GPR176: variants seen among roughly 807,000 people sequenced by gnomAD.
The protein encoded by GPR176 is G-protein coupled receptor 176.
A neutral mutation model predicts 35.4 loss-of-function variants in GPR176; 26 were observed. The observed-to-expected ratio is 0.74, with a 90% CI of 0.54 to 1.02. The LOEUF (loss-of-function observed/expected upper bound fraction) is 1.02. Among genes scored for constraint, GPR176 ranks in the 50% least tolerant of loss-of-function variants. The pLI is 0.00. For missense variants in GPR176, 597 were observed against 665.3 expected, an observed-to-expected ratio of 0.90 and a Z score of 1.13; for synonymous variants, 278 against 271.3, an observed-to-expected ratio of 1.02 and a Z score of -0.24.
intron 1 of GPR176, among the ~76,000 whole-genome samples, chr15:39,894,303 C>T (rs867792495): frequency 3.4e-4 from 34 of 101,258 alleles, no homozygotes; most frequent in African/African-American, 8.9e-4. Flanking sequence ...GCTGGCCGGG[C>T]GGGGGGCTGA....
chr15:39,807,922 C>G (rs537751574), intron 1 of GPR176, among the ~76,000 whole-genome samples: 1 of 152,304 alleles, frequency 6.6e-6, no homozygotes, highest in East Asian at 1.9e-4. Context: ...CACTGGACAG[C>G]ACTGTTCTAG....
At chr15:39,911,399 A>G (rs1178842287) in intron 1 of GPR176, among the ~76,000 whole-genome samples, 1 of 152,256 alleles carries the variant, frequency 6.6e-6, no homozygotes, top group East Asian at 1.9e-4. Context: ...TATCTCATTT[A>G]TGGTGAAGCA....
At chr15:39,897,685 C>T (rs560154845) in intron 1 of GPR176, among the ~76,000 whole-genome samples, 3 of 146,700 alleles carry the variant, frequency 2.0e-5, no homozygotes, top group South Asian at 2.1e-4. Flanking sequence ...GCAATCTCGG[C>T]TCACTGCAAG....
intron 1 of GPR176, among the ~76,000 whole-genome samples, chr15:39,820,299 G>A (rs1249452263): frequency 2.3e-5 from 2 of 85,372 alleles, no homozygotes; most frequent in Non-Finnish European, 4.8e-5. Flanking sequence ...AGGAAGTGAT[G>A]GATCATCGAA....
chr15:39,831,136 T>C (rs997112496), intron 1 of GPR176, among the ~76,000 whole-genome samples: 2 of 152,242 alleles, frequency 1.3e-5, no homozygotes, highest in Non-Finnish European at 2.9e-5. Context: ...TTTTAGGTAC[T>C]TGAGCAAACA....
intron 1 of GPR176, among the ~76,000 whole-genome samples, chr15:39,865,788 T>G (rs57961139): frequency 6.6e-6 from 1 of 152,082 alleles, no homozygotes. Context: ...ACATATGCAT[T>G]GGCAACATCT....
intron 1 of GPR176, among the ~76,000 whole-genome samples, chr15:39,832,557 G>T (rs1040591281): frequency 6.6e-6 from 1 of 151,220 alleles, no homozygotes; most frequent in East Asian, 1.9e-4. Flanking sequence ...CTAGAGCAAG[G>T]GTGTCCAATA....
chr15:39,919,817 G>GGGAGGCCCGGTCC, intron 1 of GPR176, 38 bp downstream of exon 1: 4 of 1,363,946 alleles, frequency 2.9e-6, no homozygotes, highest in Non-Finnish European at 3.8e-6. Context: ...TGTACCCTCG[G>GGGAGGCCCGGTCC]GGAGGCCCGG....
intron 1 of GPR176, among the ~76,000 whole-genome samples, chr15:39,810,590 C>A (rs1416511866): frequency 1.3e-5 from 2 of 152,172 alleles, no homozygotes; most frequent in Non-Finnish European, 2.9e-5. Flanking sequence ...GACACATTAC[C>A]TCTTTGAAAA....
intron 1 of GPR176, chr15:39,829,209 C>G: frequency 1.3e-6 from 2 of 1,518,344 alleles, no homozygotes; most frequent in Admixed American, 4.2e-5. Context: ...CAACGCAACC[C>G]CCAACACTGA....
At chr15:39,808,739 T>A (rs1483623353) in intron 1 of GPR176, among the ~76,000 whole-genome samples, 1 of 152,224 alleles carries the variant, frequency 6.6e-6, no homozygotes, top group Non-Finnish European at 1.5e-5. Context: ...AAGAAATGAA[T>A]TTGTAAAATA....
intron 1 of GPR176, among the ~76,000 whole-genome samples, chr15:39,845,561 C>T (rs987832316): frequency 4.0e-5 from 6 of 151,782 alleles, no homozygotes; most frequent in Non-Finnish European, 7.4e-5. Context: ...CACTCAGACG[C>T]TTGATTTAAT....
chr15:39,900,518 C>T (rs2033246340), intron 1 of GPR176, among the ~76,000 whole-genome samples: 1 of 152,182 alleles, frequency 6.6e-6, no homozygotes, highest in South Asian at 2.1e-4. Flanking sequence ...AATGGAAGTA[C>T]AGTTACTTTT....
At chr15:39,808,028 C>T (rs1388905342) in intron 1 of GPR176, among the ~76,000 whole-genome samples, 1 of 152,188 alleles carries the variant, frequency 6.6e-6, no homozygotes, top group Non-Finnish European at 1.5e-5. Flanking sequence ...CTTCCACCCT[C>T]CCGCTTCCGC....
chr15:39,896,323 C>A (rs1249026128), intron 1 of GPR176, among the ~76,000 whole-genome samples: 1 of 152,236 alleles, frequency 6.6e-6, no homozygotes, highest in Non-Finnish European at 1.5e-5. Context: ...CTCAAGCCAT[C>A]ATCCTGCCTC....
intron 1 of GPR176, among the ~76,000 whole-genome samples, chr15:39,899,176 T>C (rs1279763347): frequency 6.6e-6 from 1 of 152,104 alleles, no homozygotes; most frequent in Non-Finnish European, 1.5e-5. Context: ...TTACCTCCAT[T>C]GTGTAGTAGT....
chr15:39,884,247 G>A (rs1408479971), intron 1 of GPR176, among the ~76,000 whole-genome samples: 1 of 152,206 alleles, frequency 6.6e-6, no homozygotes, highest in Non-Finnish European at 1.5e-5. Context: ...TTGCTGTTAG[G>A]CACTGCCTTA....
At chr15:39,834,522 AG>A (rs1394432249) in intron 1 of GPR176, among the ~76,000 whole-genome samples, 2 of 152,186 alleles carry the variant, frequency 1.3e-5, no homozygotes, top group African/African-American at 4.8e-5. Flanking sequence ...AAGATTTGGA[AG>A]CAACCTAAGT....
chr15:39,911,325 T>C (rs902872212), intron 1 of GPR176, among the ~76,000 whole-genome samples: 9 of 152,182 alleles, frequency 5.9e-5, no homozygotes, highest in African/African-American at 1.9e-4. Flanking sequence ...AATAAACCAT[T>C]GTTACAAACT....
Sources: allele counts gnomAD v4.1 joint callset (sites outside exome capture counted in the v4.1 genomes callset), GRCh38; gene constraint gnomAD v4.1.1; transcripts MANE v1.5; gene names NCBI Gene and HGNC (gene_info 2026-07-23, HGNC 2026-07-21).